Variants in ZFYVE27 observed in about 807,000 individuals in gnomAD.
The protein encoded by ZFYVE27 is zinc finger FYVE-type containing 27.
In ZFYVE27, 36 loss-of-function variants were observed where a neutral mutation model predicts 52.8. The ratio of observed to expected loss-of-function variants is 0.68; its 90% CI spans 0.52 to 0.90. ZFYVE27 has a LOEUF of 0.90. Among genes scored for constraint, ZFYVE27 ranks in the 40% least tolerant of loss-of-function variants. ZFYVE27 has a pLI of 0.00. For synonymous variants in ZFYVE27, 223 were observed against 215.6 expected (o/e 1.03, Z -0.30); for missense variants, 450 against 527.2 (o/e 0.85, Z 1.43).
chr10:97,743,058 G>A, intron 2 of ZFYVE27, 36 bp from the exon 3 acceptor site: 1 of 1,612,522 alleles, frequency 6.2e-7, no homozygotes. Flanking sequence ...CTGGAGGAGT[G>A]ACTCTCTGTA....
chr10:97,750,161 A>G, intron 6 of ZFYVE27, 170 bp from the exon 7 acceptor site: 1 of 727,356 alleles, frequency 1.4e-6, no homozygotes, highest in Non-Finnish European at 2.3e-6. Context: ...GGTGGTATCT[A>G]AGTTTTGTTT....
intron 5 of ZFYVE27, among the ~76,000 whole-genome samples, chr10:97,748,719 C>T (rs1386832037): frequency 2.6e-5 from 4 of 152,018 alleles, no homozygotes; most frequent in African/African-American, 9.7e-5. Context: ...TTCCACTTAT[C>T]ATTATATTAA....
chr10:97,751,905 C>T (rs1027119172), intron 8 of ZFYVE27, among the ~76,000 whole-genome samples: 2 of 152,194 alleles, frequency 1.3e-5, no homozygotes, highest in African/African-American at 4.8e-5. Flanking sequence ...GGAAGTTAAA[C>T]AGCTTTCTTG....
At chr10:97,750,587 TA>T in intron 7 of ZFYVE27, 117 bp downstream of exon 7, 2 of 1,352,034 alleles carry the variant, frequency 1.5e-6, no homozygotes, top group South Asian at 2.5e-5. Flanking sequence ...TCCCAGGCCT[TA>T]ACTCCCCTGA....
At chr10:97,758,868 G>A (rs928009880) in intron 12 of ZFYVE27, among the ~76,000 whole-genome samples, 2 of 152,024 alleles carry the variant, frequency 1.3e-5, no homozygotes, top group African/African-American at 2.4e-5. Flanking sequence ...TGCAACCTCC[G>A]CCTCTTGGGT....
At chr10:97,757,193 G>A (rs1453140690) in intron 10 of ZFYVE27, 72 bp from the exon 11 acceptor site, 2 of 1,608,962 alleles carry the variant, frequency 1.2e-6, no homozygotes, top group East Asian at 4.5e-5. Flanking sequence ...GTCCCATTTA[G>A]AAGCGCCAGG....
chr10:97,738,263 C>T (rs2042652703), intron 1 of ZFYVE27, among the ~76,000 whole-genome samples: 1 of 152,112 alleles, frequency 6.6e-6, no homozygotes, highest in African/African-American at 2.4e-5. Flanking sequence ...CTCGCTGCAG[C>T]GATCATTTAT....
intron 2 of ZFYVE27, 99 bp from the exon 3 acceptor site, chr10:97,742,995 C>T (rs1564808836): frequency 7.8e-7 from 1 of 1,285,936 alleles, no homozygotes; most frequent in Non-Finnish European, 1.1e-6. Context: ...GTGTTCCAGG[C>T]CTCCTCTTCT....
intron 12 of ZFYVE27, chr10:97,758,255 A>G (rs7080953): frequency 0.7 from 106,225 of 152,074 alleles, 38,180 homozygotes; most frequent in Non-Finnish European, 0.79. Flanking sequence ...GAATAAAAGC[A>G]CATGCATATT....
At position 97,753,030 on chromosome 10, in the gene ZFYVE27, TC is replaced by T; in HGVS notation, c.898-5del. The T allele has an allele frequency of 6.2e-7, 1 of 1,612,802 alleles. No homozygotes were observed. ...GGTGGGCAGGACTGGAAGGAGCTGTTCCCACAGGAGGATGATGAGGGCGCCC... is the reference window on the plus strand; with the variant it reads ...GGTGGGCAGGACTGGAAGGAGCTGTTCCACAGGAGGATGATGAGGGCGCCC... On this transcript the variant is annotated splice_region_variant and splice_polypyrimidine_tract_variant and intron_variant, in intron 9 of 12. Transcript: ENST00000684270.
chr10:97,758,252 AG>A (rs2048891405), intron 12 of ZFYVE27: 2 of 152,532 alleles, frequency 1.3e-5, no homozygotes, highest in Admixed American at 1.3e-4. Context: ...GTAGAATAAA[AG>A]CACATGCATA....
chr10:97,751,438 TG>T lies in ZFYVE27; in HGVS notation c.853del (p.Glu285LysfsTer37). ...VEEAEEAEPD[E>X]EFKDAIEETH... ...AGGAGGCTGAGGAGGCTGAGCCAGA[TG>T]AAGAGTTTAAAGATGCGATTGAGGT... On this transcript the variant is annotated frameshift_variant, in exon 8 of 13. Coordinates refer to ENST00000684270, the MANE Select transcript of ZFYVE27 (RefSeq NM_001385875.1). LOFTEE classifies it high-confidence loss of function. 1 of 1,613,926 alleles carries T rather than the reference TG, an allele frequency of 6.2e-7. No individual in the cohort carries two copies. The highest frequency in any genetic ancestry group is 8.5e-7 in the Non-Finnish European group (1 of 1,179,852).
rs575918907 is a variant in ZFYVE27 at position 97,759,005 on chromosome 10, A to G, written c.1172-231A>G. 3.9e-5 allele frequency among the ~76,000 whole-genome samples: 6 copies of G among 152,248 alleles called. No homozygotes were observed. In the South Asian group the frequency reaches 6.2e-4, roughly 16 times the overall value. The stretch of plus-strand genomic sequence containing the variant: ...TTGAAGGTGTTCTGTTGGTGCCACA[A>G]TAATGTCTAATTCATAGCACAGGAG... On this transcript the variant is annotated intron_variant, in intron 12 of 12. Transcript: ENST00000684270.
At chr10:97,749,906 C>G (rs536086155) in intron 6 of ZFYVE27, 51 of 418,854 alleles carry the variant, frequency 1.2e-4, no homozygotes, top group African/African-American at 9.1e-4. Flanking sequence ...CACCCATCCC[C>G]TGGGGTGCAG....
At chr10:97,748,472 G>T in intron 5 of ZFYVE27, 108 bp downstream of exon 5, 1 of 1,094,010 alleles carries the variant, frequency 9.1e-7, no homozygotes, top group South Asian at 1.3e-5. Context: ...CTCAGGGGAA[G>T]AGCTCGCCTC....
intron 12 of ZFYVE27, among the ~76,000 whole-genome samples, chr10:97,758,723 T>C (rs941606675): frequency 2.6e-5 from 4 of 152,216 alleles, no homozygotes; most frequent in South Asian, 2.1e-4. Context: ...AACCCTGTAA[T>C]TTTACCACCC....
intron 2 of ZFYVE27, 95 bp downstream of exon 2, chr10:97,738,769 T>C: frequency 7.0e-7 from 1 of 1,426,492 alleles, no homozygotes; most frequent in Non-Finnish European, 9.9e-7. Context: ...GGCTGGGCTG[T>C]CCTTTCTGCC....
intron 11 of ZFYVE27, 62 bp from the exon 12 acceptor site, chr10:97,757,580 G>A: frequency 1.3e-6 from 2 of 1,549,100 alleles, no homozygotes; most frequent in Non-Finnish European, 1.8e-6. Flanking sequence ...AAGGAGGGAG[G>A]TGCTGAGAAC....
rs889274795 is a variant in ZFYVE27, at chr10:97,750,268, C to A, written c.665-63C>A. On this transcript the variant is annotated intron_variant, in intron 6 of 12. Coordinates refer to ENST00000684270, the MANE Select transcript of ZFYVE27 (RefSeq NM_001385875.1). The stretch of plus-strand genomic sequence containing the variant: ...CCAGCCAGCTGCAGAAGTGGGTACC[C>A]CTAAAGTGCCACTCACGGTGTCTCA... 20 of 1,602,324 alleles carry A rather than the reference C, an allele frequency of 1.2e-5. No homozygotes were observed. In the Admixed American group the frequency reaches 3.0e-4, roughly 24 times the overall value.
Sources: allele counts gnomAD v4.1 joint callset (sites outside exome capture counted in the v4.1 genomes callset), GRCh38; gene constraint gnomAD v4.1.1; transcripts MANE v1.5; gene names NCBI Gene and HGNC (gene_info 2026-07-23, HGNC 2026-07-21).